PPARD: variants seen among roughly 807,000 people sequenced by gnomAD.
PPARD encodes the protein peroxisome proliferator activated receptor delta.
Under a neutral mutation model 39.5 loss-of-function variants are expected in PPARD, and 6 were observed. The ratio of observed to expected loss-of-function variants is 0.15; its 90% CI spans 0.08 to 0.30. PPARD has a LOEUF of 0.30. Ranked by LOEUF, PPARD falls within the 10% of genes least tolerant of loss-of-function variation. The pLI, the probability that PPARD is intolerant of heterozygous loss-of-function variation, is 1.00. For synonymous variants in PPARD, 210 were observed against 231.3 expected, an observed-to-expected ratio of 0.91 and a Z score of 0.83; for missense variants, 397 against 596.8, an observed-to-expected ratio of 0.67 and a Z score of 3.49.
At chr6:35,395,887 T>C (rs1661321864) in intron 2 of PPARD, among the ~76,000 whole-genome samples, 1 of 152,214 alleles carries the variant, frequency 6.6e-6, no homozygotes, top group African/African-American at 2.4e-5. Context: ...ACCTGCCTTA[T>C]AGTCCACTTG....
chr6:35,347,351 G>T (rs1419183789), intron 2 of PPARD, among the ~76,000 whole-genome samples: 1 of 152,158 alleles, frequency 6.6e-6, no homozygotes, highest in African/African-American at 2.4e-5. Flanking sequence ...GGCTTACATA[G>T]TTTTTTCAGG....
intron 2 of PPARD, among the ~76,000 whole-genome samples, chr6:35,404,004 G>C (rs1266217336): frequency 6.6e-6 from 1 of 152,224 alleles, no homozygotes; most frequent in African/African-American, 2.4e-5. Context: ...GTAATGTCCA[G>C]AAGGGCTTTG....
chr6:35,364,942 CT>C (rs1169528437), intron 2 of PPARD, among the ~76,000 whole-genome samples: 1 of 151,684 alleles, frequency 6.6e-6, no homozygotes, highest in Non-Finnish European at 1.5e-5. Context: ...ATCTCCTGAC[CT>C]TGTGATCCAC....
At chr6:35,361,827 T>C (rs983199001) in intron 2 of PPARD, among the ~76,000 whole-genome samples, 1 of 152,282 alleles carries the variant, frequency 6.6e-6, no homozygotes, top group African/African-American at 2.4e-5. Context: ...GGACAGGTGG[T>C]TCTGGGTGTT....
Position 35,425,714 on chromosome 6 carries a change from C to T in PPARD, c.1079-118C>T. On this transcript the variant is annotated intron_variant, in intron 7 of 7. Coordinates refer to ENST00000360694, the MANE Select transcript of PPARD (RefSeq NM_006238.5). The surrounding 1 kb of genome is among the most constrained non-coding windows in gnomAD (Gnocchi z 4.5). ...GTGGAGCATTGCTGATGGGACAGGG[C>T]TTGGTCTGTCACGGCCAAGGAGGCC... The T allele has an allele frequency of 7.0e-7, 1 of 1,424,130 alleles. No individual in the cohort carries two copies. Among genetic ancestry groups the T allele is most frequent in the South Asian group, 1.3e-5 (1 of 77,578 alleles). The allele number at this position is 1,424,130 out of a possible 1,614,324, so 88.2% of individuals were successfully genotyped here. A position where few individuals can be genotyped will look rare whatever the true frequency, so the allele number is the denominator to read the frequency against.
chr6:35,395,182 CTGAT>C (rs1764245639), intron 2 of PPARD, among the ~76,000 whole-genome samples: 1 of 152,140 alleles, frequency 6.6e-6, no homozygotes, highest in Non-Finnish European at 1.5e-5. Context: ...AGGAAAGCCC[CTGAT>C]TGACTTAGGA....
chr6:35,363,120 T>C lies in PPARD; in HGVS notation c.-102+15970T>C, dbSNP rs1762011544. 6.6e-6 allele frequency among the ~76,000 whole-genome samples: 1 copy of C among 152,168 alleles called. No homozygotes were observed. Among genetic ancestry groups the C allele is most frequent in the East Asian group, 1.9e-4 (1 of 5,196 alleles). ...GGGAGAAAATTGAAGATGGGGTATT[T>C]TGTGGGGAACAAGCTATGCCTTCCT... On this transcript the variant is annotated intron_variant, in intron 2 of 7. Transcript: ENST00000360694. This position sits in a 1 kb window ranked among gnomAD's most constrained non-coding sequence, Gnocchi z 4.5.
At chr6:35,359,986 A>C (rs1057230103) in intron 2 of PPARD, among the ~76,000 whole-genome samples, 1 of 152,086 alleles carries the variant, frequency 6.6e-6, no homozygotes, top group African/African-American at 2.4e-5. Context: ...TCCAGTTTGG[A>C]AAGTACCTGC....
chr6:35,403,308 C>T (rs1419046632), intron 2 of PPARD, among the ~76,000 whole-genome samples: 1 of 152,198 alleles, frequency 6.6e-6, no homozygotes, highest in African/African-American at 2.4e-5. Context: ...GCAGTTACTG[C>T]ATCGTTATTT....
Position 35,411,190 on chromosome 6 carries a change from C to T in PPARD, c.103C>T (p.His35Tyr), listed in dbSNP as rs761524572. 6.4e-7 allele frequency: 1 copy of T among 1,553,960 alleles called. No homozygotes were observed. Among genetic ancestry groups the T allele is most frequent in the South Asian group, 1.2e-5 (1 of 82,970 alleles). The change falls in exon 3 of 8, where the codon CAT (histidine) becomes TAT (tyrosine). Residue 35 changes from histidine (H) to tyrosine (Y), a missense_variant. By Grantham distance (83) the His-to-Tyr change is moderately conservative. Transcript: ENST00000360694. ...GAPELNGGPQ[H>Y]ALPSSSYTDL... The stretch of plus-strand genomic sequence containing the variant: ...CCCAGAGCTCAATGGGGGACCACAG[C>T]ATGCACTTCCTTCCAGCAGCTACAC...
At chr6:35,387,716 C>CTTTTTTTTT (rs61314141) in intron 2 of PPARD, among the ~76,000 whole-genome samples, 17 of 89,318 alleles carry the variant, frequency 1.9e-4, no homozygotes, top group African/African-American at 5.0e-4. Context: ...ACACTGCATT[C>CTTTTTTTTT]TTTTTTTTTT....
chr6:35,388,975 C>T (rs946976568), intron 2 of PPARD, among the ~76,000 whole-genome samples: 19 of 152,264 alleles, frequency 1.2e-4, no homozygotes, highest in South Asian at 4.1e-4. Context: ...AGAAACTGGA[C>T]GCACAACAGC....
At chr6:35,359,606 C>T (rs1352788000) in intron 2 of PPARD, among the ~76,000 whole-genome samples, 1 of 152,162 alleles carries the variant, frequency 6.6e-6, no homozygotes, top group African/African-American at 2.4e-5. Context: ...CATTTCACCC[C>T]TCTTGGTCTC....
At chr6:35,359,702 G>A (rs540787962) in intron 2 of PPARD, among the ~76,000 whole-genome samples, 2 of 152,254 alleles carry the variant, frequency 1.3e-5, no homozygotes, top group Admixed American at 6.5e-5. Context: ...ACCTAGTAAC[G>A]ATCTGAGTAG....
chr6:35,347,229 T>G, intron 2 of PPARD, 79 bp downstream of exon 2: 1 of 1,486,712 alleles, frequency 6.7e-7, no homozygotes, highest in Non-Finnish European at 9.1e-7. Flanking sequence ...ACCTTGAAGA[T>G]GAAATAATTT....
In PPARD at chr6:35,420,037, T is replaced by C. The variant is rs17847869; in HGVS notation, c.131-90T>C. 854 of 1,470,244 alleles carry C rather than the reference T, an allele frequency of 5.8e-4. 7 individuals carry two copies. The East Asian group carries it at 0.016, about 27-fold the overall frequency. 91.1% of individuals were successfully genotyped at this position (1,470,244 alleles called of 1,614,324 possible). A position where few individuals can be genotyped will look rare whatever the true frequency, so the allele number is the denominator to read the frequency against. On this transcript the variant is annotated intron_variant, in intron 3 of 7. Transcript: ENST00000360694. ...TCCCTGAGGCCACACAGCTGTTAAG[T>C]GGCTGAGGCGAGGGCTGTGGGGCTG...
At chr6:35,354,296 CAA>C (rs547588563) in intron 2 of PPARD, among the ~76,000 whole-genome samples, 103 of 140,124 alleles carry the variant, frequency 7.4e-4, no homozygotes, top group Admixed American at 1.3e-3. Flanking sequence ...AGTACTCATA[CAA>C]CCATTCTTTT....
At position 35,410,985 on chromosome 6, in the gene PPARD, A is replaced by G. The variant is rs1765387637; in HGVS notation, c.-101-2A>G. ...CCTCTTCCTGTCTTCTCCTCTGCCC[A>G]GGCTGATGGGAACCACCCTGTAGAG... is the stretch of plus-strand genomic sequence containing the variant. On this transcript the variant is annotated splice_acceptor_variant, in intron 2 of 7. Transcript: ENST00000360694. LOFTEE classifies it low-confidence loss of function (5UTR_SPLICE). 1.6e-6 allele frequency: 2 copies of G among 1,282,978 alleles called. No homozygotes were observed. The highest frequency in any genetic ancestry group is 4.1e-5 in the Admixed American group (1 of 24,688). 79.5% of individuals were successfully genotyped at this position (1,282,978 alleles called of 1,614,324 possible).
At position 35,426,095 on chromosome 6, in the gene PPARD, C is replaced by T. The variant is rs1186272557; in HGVS notation, c.*16C>T. On this transcript the variant is annotated 3_prime_UTR_variant, in exon 8 of 8. Transcript: ENST00000360694. ...CATGTACTAACGGCGGCACCCAGGC[C>T]TCCCTGCAGACTCCAATGGGGCCAG... The T allele has an allele frequency of 7.5e-6, 12 of 1,606,530 alleles. No homozygotes were observed. The highest frequency in any genetic ancestry group is 1.1e-5 in the South Asian group (1 of 90,890).
Sources: allele counts gnomAD v4.1 joint callset (sites outside exome capture counted in the v4.1 genomes callset), GRCh38; gene constraint gnomAD v4.1.1; non-coding constraint Gnocchi (gnomAD v3.1); transcripts MANE v1.5; gene names NCBI Gene and HGNC (gene_info 2026-07-23, HGNC 2026-07-21).